Variants in RAB31 observed in about 807,000 individuals in gnomAD.
RAB31 encodes the protein RAB31, member RAS oncogene family, also known as ras-related protein Rab-31.
In RAB31, 21 loss-of-function variants were observed where a neutral mutation model predicts 25.6. The ratio of observed to expected loss-of-function variants is 0.82; its 90% CI spans 0.58 to 1.18. RAB31 has a LOEUF of 1.18. RAB31 is among the 50% of genes most tolerant of loss of function. The pLI is 0.00. For synonymous variants in RAB31, 87 were observed against 84.0 expected, an observed-to-expected ratio of 1.04 and a Z score of -0.20; for missense variants, 196 against 250.1, an observed-to-expected ratio of 0.78 and a Z score of 1.46.
intron 1 of RAB31, among the ~76,000 whole-genome samples, chr18:9,773,890 G>A (rs1240299446): frequency 2.0e-5 from 3 of 152,016 alleles, no homozygotes; most frequent in Non-Finnish European, 4.4e-5. Flanking sequence ...TGAACTCCTG[G>A]CCTCAAGTGT....
At chr18:9,709,896 C>T (rs2068007761) in intron 1 of RAB31, among the ~76,000 whole-genome samples, 1 of 152,206 alleles carries the variant, frequency 6.6e-6, no homozygotes, top group African/African-American at 2.4e-5. Context: ...ATTTCAGCCT[C>T]AGGAAAGGCC....
chr18:9,827,883 G>A (rs1035926628), intron 5 of RAB31, among the ~76,000 whole-genome samples: 4 of 152,178 alleles, frequency 2.6e-5, no homozygotes, highest in African/African-American at 9.7e-5. Flanking sequence ...CCAAGAAAGG[G>A]GGTGGGGAAG....
At chr18:9,832,850 A>G (rs1433501580) in intron 5 of RAB31, among the ~76,000 whole-genome samples, 2 of 152,182 alleles carry the variant, frequency 1.3e-5, no homozygotes, top group Admixed American at 6.5e-5. Context: ...GGTGTAAAGA[A>G]CTCACAGCGG....
chr18:9,738,963 G>C (rs192693005), intron 1 of RAB31, among the ~76,000 whole-genome samples: 1 of 152,268 alleles, frequency 6.6e-6, no homozygotes, highest in East Asian at 1.9e-4. Flanking sequence ...TGGCTTGCTT[G>C]GTGTGTGGGG....
At chr18:9,805,719 A>C (rs2068536919) in intron 3 of RAB31, among the ~76,000 whole-genome samples, 1 of 152,244 alleles carries the variant, frequency 6.6e-6, no homozygotes, top group Admixed American at 6.5e-5. Context: ...GCGTTCAAAC[A>C]GTGAGATACT....
intron 1 of RAB31, chr18:9,758,024 C>T (rs1284584197): frequency 2.0e-5 from 3 of 152,316 alleles, no homozygotes; most frequent in Admixed American, 6.5e-5. Context: ...AGTTGTTCCG[C>T]ACATCCCTTC....
chr18:9,791,634 C>T (rs4798856), intron 2 of RAB31, among the ~76,000 whole-genome samples: 7,332 of 151,872 alleles, frequency 0.048, 371 homozygotes, highest in East Asian at 0.13. Context: ...CATACTGTCA[C>T]CTGGGCTGGA....
chr18:9,838,557 CAAAGAATTT>C (rs1482687939), intron 5 of RAB31, among the ~76,000 whole-genome samples: 1 of 152,080 alleles, frequency 6.6e-6, no homozygotes, highest in Non-Finnish European at 1.5e-5. Flanking sequence ...AGGAGGACCA[CAAAGAATTT>C]AACCAGCTCT....
chr18:9,736,243 G>A (rs1401209135), intron 1 of RAB31, among the ~76,000 whole-genome samples: 1 of 152,018 alleles, frequency 6.6e-6, no homozygotes, highest in Admixed American at 6.6e-5. Flanking sequence ...CAAAGTGATG[G>A]GATTACAGAT....
At chr18:9,831,631 C>A (rs2068679074) in intron 5 of RAB31, among the ~76,000 whole-genome samples, 6 of 152,224 alleles carry the variant, frequency 3.9e-5, no homozygotes, top group Admixed American at 3.9e-4. Context: ...GGGCACGGCG[C>A]TGTGGCATGG....
chr18:9,816,345 T>A (rs1300378239), intron 5 of RAB31, among the ~76,000 whole-genome samples: 1 of 152,236 alleles, frequency 6.6e-6, no homozygotes, highest in African/African-American at 2.4e-5. Context: ...CTCCTGTACA[T>A]AACACAGTTA....
intron 1 of RAB31, among the ~76,000 whole-genome samples, chr18:9,744,280 T>C (rs2068194541): frequency 6.6e-6 from 1 of 152,178 alleles, no homozygotes; most frequent in East Asian, 1.9e-4. Context: ...CAATGCAAAA[T>C]AACTATTGCC....
rs1568165449 is a variant in RAB31 at position 9,735,392 on chromosome 18, T to C, written c.39+26948T>C. The C allele has an allele frequency of 2.8e-5, 6 of 218,094 alleles. No individual in the cohort carries two copies. The South Asian group carries it at 4.7e-4, about 17-fold the overall frequency. 13.5% of individuals were successfully genotyped at this position (218,094 alleles called of 1,614,324 possible). ...GTCCACAGTTTGTCAAAGTTGACAG[T>C]TGGGCTGAAGCTCTGTTTCCTCTTT... On this transcript the variant is annotated intron_variant, in intron 1 of 6. Transcript: ENST00000578921.
At chr18:9,749,334 CGGAACAGAGGGAACAGAG>C (rs200608397) in intron 1 of RAB31, among the ~76,000 whole-genome samples, 1 of 131,002 alleles carries the variant, frequency 7.6e-6, no homozygotes, top group African/African-American at 2.9e-5. Context: ...CCCCATTTTA[CGGAACAGAGGGAACAGAG>C]GGAACAGAGG....
At chr18:9,721,341 T>G (rs924431062) in intron 1 of RAB31, among the ~76,000 whole-genome samples, 4 of 152,186 alleles carry the variant, frequency 2.6e-5, no homozygotes, top group African/African-American at 9.6e-5. Context: ...CCGGGGACAG[T>G]GGCTCATGCC....
intron 3 of RAB31, among the ~76,000 whole-genome samples, chr18:9,797,071 C>T (rs539029597): frequency 3.9e-5 from 6 of 152,298 alleles, no homozygotes; most frequent in African/African-American, 1.4e-4. Flanking sequence ...CTTCTGTGCA[C>T]GGGAAGCAGC....
At chr18:9,843,781 G>A (rs2068746567) in intron 5 of RAB31, among the ~76,000 whole-genome samples, 1 of 152,172 alleles carries the variant, frequency 6.6e-6, no homozygotes, top group East Asian at 1.9e-4. Flanking sequence ...CTTGGCTCCA[G>A]GGACATATTT....
intron 5 of RAB31, among the ~76,000 whole-genome samples, chr18:9,818,615 T>C (rs1388992674): frequency 2.6e-5 from 4 of 152,226 alleles, no homozygotes; most frequent in Non-Finnish European, 5.9e-5. Context: ...TTTCTACTTT[T>C]TTGCTATTAT....
intron 1 of RAB31, among the ~76,000 whole-genome samples, chr18:9,768,470 CAT>C (rs1341705393): frequency 1.3e-5 from 2 of 152,138 alleles, no homozygotes; most frequent in Non-Finnish European, 2.9e-5. Flanking sequence ...AACTTTTTTC[CAT>C]ATGTTTTTTG....
Sources: allele counts gnomAD v4.1 joint callset (sites outside exome capture counted in the v4.1 genomes callset), GRCh38; gene constraint gnomAD v4.1.1; transcripts MANE v1.5; gene names NCBI Gene and HGNC (gene_info 2026-07-23, HGNC 2026-07-21).